The following TOP6BL variants were observed in gnomAD, a reference collection of about 807,000 sequenced individuals.
The protein encoded by TOP6BL is TOP6B like initiator of meiotic double strand breaks, also known as type 2 DNA topoisomerase 6 subunit B-like.
chr11:66,810,919 A>C, the TOP6BL span, among the ~76,000 whole-genome samples: 12 of 152,060 alleles, frequency 7.9e-5, no homozygotes, highest in African/African-American at 2.9e-4. Context: ...CACATTCCTG[A>C]ATTAGGCCAC....
the TOP6BL span, among the ~76,000 whole-genome samples, chr11:66,795,153 A>G: frequency 1.3e-5 from 2 of 151,938 alleles, no homozygotes; most frequent in African/African-American, 4.8e-5. Context: ...ATATATATAT[A>G]TATACAAAGA....
the TOP6BL span, among the ~76,000 whole-genome samples, chr11:66,772,497 C>G: frequency 6.6e-6 from 1 of 151,674 alleles, no homozygotes; most frequent in Non-Finnish European, 1.5e-5. Context: ...GGCCGGGCAC[C>G]GTGGCTCATG....
chr11:66,819,723 C>T, the TOP6BL span, among the ~76,000 whole-genome samples: 4 of 151,758 alleles, frequency 2.6e-5, no homozygotes, highest in East Asian at 5.8e-4. Context: ...GCCAACATGG[C>T]GAAACCCCGT....
At chr11:66,774,563 C>T in the TOP6BL span, among the ~76,000 whole-genome samples, 1 of 152,094 alleles carries the variant, frequency 6.6e-6, no homozygotes, top group African/African-American at 2.4e-5. Context: ...ACGCCATTCT[C>T]CTATCTCAGC....
the TOP6BL span, chr11:66,821,712 C>G: frequency 6.2e-7 from 1 of 1,613,258 alleles, no homozygotes; most frequent in Non-Finnish European, 8.5e-7. Context: ...GTGCAAGGTT[C>G]CATCCAATTC....
chr11:66,749,482 G>T, the TOP6BL span, among the ~76,000 whole-genome samples: 1 of 152,142 alleles, frequency 6.6e-6, no homozygotes, highest in Non-Finnish European at 1.5e-5. Context: ...TGCATTTTGA[G>T]CCTGATGAAC....
At chr11:66,805,078 ATTAAT>A in the TOP6BL span, among the ~76,000 whole-genome samples, 2 of 150,758 alleles carry the variant, frequency 1.3e-5, no homozygotes, top group African/African-American at 4.9e-5. Flanking sequence ...AAAAAAATAA[ATTAAT>A]TAAAGCCAGG....
At chr11:66,815,720 A>G in the TOP6BL span, 1 of 219,352 alleles carries the variant, frequency 4.6e-6, no homozygotes, top group East Asian at 1.0e-4. Flanking sequence ...CATTACACTC[A>G]GGTGAATCTA....
At chr11:66,813,389 G>A in the TOP6BL span, among the ~76,000 whole-genome samples, 1 of 152,100 alleles carries the variant, frequency 6.6e-6, no homozygotes, top group Admixed American at 6.6e-5. Context: ...GGATCCTAGT[G>A]GATCTATCTC....
the TOP6BL span, among the ~76,000 whole-genome samples, chr11:66,829,530 A>G: frequency 6.6e-6 from 1 of 151,734 alleles, no homozygotes; most frequent in South Asian, 2.1e-4. Context: ...AACCAAGATC[A>G]CACCACTGTA....
the TOP6BL span, among the ~76,000 whole-genome samples, chr11:66,779,443 A>T: frequency 6.6e-6 from 1 of 152,228 alleles, no homozygotes; most frequent in Non-Finnish European, 1.5e-5. Flanking sequence ...AGAGAAATGC[A>T]AATCAAAACC....
chr11:66,787,481 G>A, the TOP6BL span, among the ~76,000 whole-genome samples: 1 of 150,496 alleles, frequency 6.6e-6, no homozygotes, highest in Non-Finnish European at 1.5e-5. Flanking sequence ...TGAGGCAGGC[G>A]GATCACCTAA....
At chr11:66,843,380 G>T in the TOP6BL span, 1 of 1,432,798 alleles carries the variant, frequency 7.0e-7, no homozygotes, top group Non-Finnish European at 9.1e-7. Context: ...GCGGGGCGTG[G>T]AGCCGCGCCG....
the TOP6BL span, among the ~76,000 whole-genome samples, chr11:66,841,770 C>G: frequency 6.6e-6 from 1 of 152,166 alleles, no homozygotes; most frequent in East Asian, 1.9e-4. Context: ...CCACTGCACT[C>G]CAGCCTAGGT....
the TOP6BL span, among the ~76,000 whole-genome samples, chr11:66,760,661 A>G: frequency 7.0e-6 from 1 of 141,864 alleles, no homozygotes; most frequent in Non-Finnish European, 1.5e-5. Context: ...AAAATTAGCC[A>G]GGGAAGGTGG....
At chr11:66,798,135 T>C in the TOP6BL span, among the ~76,000 whole-genome samples, 2 of 152,110 alleles carry the variant, frequency 1.3e-5, no homozygotes, top group Non-Finnish European at 1.5e-5. Context: ...TCTTACCTTA[T>C]GTTACACAGA....
At chr11:66,746,123 G>A in the TOP6BL span, among the ~76,000 whole-genome samples, 1 of 152,126 alleles carries the variant, frequency 6.6e-6, no homozygotes, top group Non-Finnish European at 1.5e-5. Context: ...TGGGAATATC[G>A]TAACAGAGGA....
the TOP6BL span, among the ~76,000 whole-genome samples, chr11:66,837,154 T>G: frequency 6.6e-6 from 1 of 151,966 alleles, no homozygotes; most frequent in African/African-American, 2.4e-5. Flanking sequence ...TGAGACAGAG[T>G]CTCACTCTGT....
chr11:66,821,952 A>G, the TOP6BL span, among the ~76,000 whole-genome samples: 6 of 152,190 alleles, frequency 3.9e-5, no homozygotes, highest in Admixed American at 6.5e-5. Context: ...GATCACTGTA[A>G]CCAGCTTGCT....
Sources: allele counts gnomAD v4.1 joint callset (sites outside exome capture counted in the v4.1 genomes callset), GRCh38; gene constraint gnomAD v4.1.1; transcripts MANE v1.5; gene names NCBI Gene and HGNC (gene_info 2026-07-23, HGNC 2026-07-21).